The following FBXL5 variants were observed in gnomAD, a reference collection of about 807,000 sequenced individuals.
The protein encoded by FBXL5 is F-box/LRR-repeat protein 5.
In FBXL5, 26 loss-of-function variants were observed where a neutral mutation model predicts 78.3. The observed-to-expected ratio is 0.33, with a 90% CI of 0.24 to 0.46. The LOEUF is 0.46. FBXL5 is among the 20% of genes least tolerant of loss of function. FBXL5 has a pLI of 1.00. For missense variants in FBXL5, 710 were observed against 829.2 expected (o/e 0.86, Z 1.77); for synonymous variants, 295 against 282.5 (o/e 1.04, Z -0.45).
intron 9 of FBXL5, among the ~76,000 whole-genome samples, chr4:15,617,907 T>C (rs1023564820): frequency 3.3e-5 from 5 of 152,118 alleles, no homozygotes; most frequent in East Asian, 1.9e-4. Flanking sequence ...CAAACCACCA[T>C]GGCACACGTT....
intron 9 of FBXL5, among the ~76,000 whole-genome samples, chr4:15,622,993 G>A (rs559956898): frequency 3.0e-4 from 46 of 152,160 alleles, no homozygotes; most frequent in Middle Eastern, 3.4e-3. Flanking sequence ...TTTGTTCTAA[G>A]GTTGATAATA....
upstream of FBXL5, among the ~76,000 whole-genome samples, chr4:15,658,887 T>C (rs1717160826): frequency 6.6e-6 from 1 of 152,178 alleles, no homozygotes; most frequent in Non-Finnish European, 1.5e-5. Context: ...AGAGACTTAA[T>C]TTTTTCATAT....
chr4:15,612,103 A>C, intron 10 of FBXL5, 163 bp downstream of exon 10: 1 of 536,932 alleles, frequency 1.9e-6, no homozygotes, highest in Non-Finnish European at 3.1e-6. Flanking sequence ...GATGTTAATT[A>C]ATGAAAATGT....
chr4:15,622,694 C>G (rs1238573392), intron 9 of FBXL5, among the ~76,000 whole-genome samples: 1 of 152,084 alleles, frequency 6.6e-6, no homozygotes, highest in Non-Finnish European at 1.5e-5. Context: ...TAGAACAGTG[C>G]AAGAAATGTA....
chr4:15,676,701 G>T (rs538539237), intron 1 of FBXL5, among the ~76,000 whole-genome samples: 14 of 152,030 alleles, frequency 9.2e-5, no homozygotes, highest in African/African-American at 3.4e-4. Flanking sequence ...ACGGGGGGGA[G>T]GGGGAGGACT....
intron 9 of FBXL5, 89 bp from the exon 10 acceptor site, chr4:15,612,503 C>T: frequency 1.7e-6 from 2 of 1,204,154 alleles, no homozygotes; most frequent in Non-Finnish European, 2.3e-6. Context: ...ATTTTACATA[C>T]TTTTCAATAT....
At chr4:15,656,154 T>C, upstream of FBXL5, 2 of 455,814 alleles carry the variant, frequency 4.4e-6, no homozygotes, top group South Asian at 1.5e-5. Flanking sequence ...TAATGGAAGG[T>C]TGGTGCGGGA....
intron 1 of FBXL5, among the ~76,000 whole-genome samples, chr4:15,673,614 T>G (rs954516180): frequency 1.3e-5 from 2 of 152,216 alleles, no homozygotes; most frequent in Non-Finnish European, 2.9e-5. Flanking sequence ...CTTTATGTGA[T>G]CCAAGACTGT....
At chr4:15,624,676 G>C (rs1466223392) in intron 9 of FBXL5, among the ~76,000 whole-genome samples, 2 of 146,076 alleles carry the variant, frequency 1.4e-5, no homozygotes, top group African/African-American at 5.1e-5. Context: ...AGAAAATGTA[G>C]AACTTCTTCC....
intron 5 of FBXL5, among the ~76,000 whole-genome samples, chr4:15,633,845 C>T (rs137970779): frequency 1.7e-3 from 255 of 152,310 alleles, no homozygotes; most frequent in African/African-American, 6.0e-3. Flanking sequence ...GGCAATCTGC[C>T]TGCCTTTGCC....
At chr4:15,647,878 G>C (rs1222815446) in intron 1 of FBXL5, among the ~76,000 whole-genome samples, 2 of 152,140 alleles carry the variant, frequency 1.3e-5, no homozygotes, top group Non-Finnish European at 2.9e-5. Context: ...TTTTGAGACA[G>C]GGTCTTGCTC....
At chr4:15,656,954 A>C (rs111864292), upstream of FBXL5, among the ~76,000 whole-genome samples, 1 of 152,198 alleles carries the variant, frequency 6.6e-6, no homozygotes, top group Non-Finnish European at 1.5e-5. Context: ...CAGTACCCCC[A>C]GAGTCATTGC....
At chr4:15,670,639 C>T (rs1016581856) in intron 1 of FBXL5, among the ~76,000 whole-genome samples, 1 of 151,920 alleles carries the variant, frequency 6.6e-6, no homozygotes, top group Admixed American at 6.6e-5. Context: ...CTGGGCCCCT[C>T]CCCCCACAAA....
At chr4:15,619,528 A>G (rs866310582) in intron 9 of FBXL5, among the ~76,000 whole-genome samples, 2 of 152,244 alleles carry the variant, frequency 1.3e-5, no homozygotes, top group South Asian at 4.1e-4. Flanking sequence ...GGCCATATAC[A>G]TGAAAAACTC....
intron 1 of FBXL5, among the ~76,000 whole-genome samples, chr4:15,668,182 A>G (rs1386163294): frequency 6.6e-6 from 1 of 151,818 alleles, no homozygotes; most frequent in Admixed American, 6.6e-5. Context: ...TACTGACAGA[A>G]GTATAAAGAC....
intron 3 of FBXL5, 25 bp downstream of exon 3, chr4:15,640,763 A>G: frequency 3.1e-6 from 4 of 1,283,428 alleles, no homozygotes; most frequent in Non-Finnish European, 1.1e-6. Context: ...ATAAATCTAA[A>G]TCACGAAAGA....
At chr4:15,613,327 T>C (rs944127143) in intron 9 of FBXL5, among the ~76,000 whole-genome samples, 1 of 152,166 alleles carries the variant, frequency 6.6e-6, no homozygotes, top group Non-Finnish European at 1.5e-5. Context: ...CGTATACTTT[T>C]AAAAAGCAGT....
intron 1 of FBXL5, among the ~76,000 whole-genome samples, chr4:15,650,165 T>C (rs533559984): frequency 1.3e-5 from 2 of 152,314 alleles, no homozygotes; most frequent in South Asian, 4.1e-4. Context: ...AACCCAGGGA[T>C]GTGGCTAAAC....
At chr4:15,677,985 T>C (rs933705497) in intron 1 of FBXL5, among the ~76,000 whole-genome samples, 24 of 152,172 alleles carry the variant, frequency 1.6e-4, no homozygotes, top group African/African-American at 4.8e-4. Context: ...CGAAATTGAA[T>C]TGCATTGTAG....
Sources: gnomAD v4.1 joint callset for allele counts (sites outside exome capture counted in the v4.1 genomes callset) on GRCh38, gnomAD v4.1.1 for gene constraint, MANE v1.5 for transcripts, NCBI Gene and HGNC (gene_info 2026-07-23, HGNC 2026-07-21) for gene names.